Variants in BCAS3 observed in about 807,000 individuals in gnomAD.
BCAS3 encodes BCAS4/BCAS3 fusion.
Under a neutral mutation model 116.1 loss-of-function variants are expected in BCAS3, and 53 were observed. The observed-to-expected ratio is 0.46, with a 90% CI of 0.37 to 0.57. BCAS3 has a LOEUF of 0.57. BCAS3 is among the 20% of genes least tolerant of loss of function. BCAS3 has a pLI of 0.00. For missense variants in BCAS3, 917 were observed against 1,165.4 expected (o/e 0.79, Z 3.10); for synonymous variants, 391 against 408.2 (o/e 0.96, Z 0.51).
At chr17:60,727,299 TG>T in intron 5 of BCAS3, 1 of 1,161,536 alleles carries the variant, frequency 8.6e-7, no homozygotes, top group South Asian at 1.2e-5. Context: ...GTCTTCTTTG[TG>T]GTCTTAGCCT....
At chr17:61,304,834 A>T (rs937747366) in intron 22 of BCAS3, among the ~76,000 whole-genome samples, 4 of 151,516 alleles carry the variant, frequency 2.6e-5, no homozygotes, top group African/African-American at 7.3e-5. Flanking sequence ...GCTCATTGCA[A>T]CCTCCACCTC....
intron 14 of BCAS3, among the ~76,000 whole-genome samples, chr17:60,963,371 C>G (rs1310814717): frequency 6.6e-6 from 1 of 151,848 alleles, no homozygotes; most frequent in Admixed American, 6.6e-5. Context: ...CATGGAATAT[C>G]TTTCCATTTT....
In BCAS3 at chr17:60,924,440, A is replaced by G. The variant is rs1317122165; in HGVS notation, c.1027A>G (p.Ile343Val). The G allele has an allele frequency of 6.2e-7, 1 of 1,612,612 alleles. No homozygotes were observed. The highest frequency in any genetic ancestry group is 8.5e-7 in the Non-Finnish European group (1 of 1,179,666). ...GAGTGAGGATTCTGACAGTGATGGC[A>G]TTGTGGCCCACTTCCCTGCCCATGA... is the stretch of plus-strand genomic sequence containing the variant. ...LVSEDSDSDG[I>V]VAHFPAHEKP... is the part of the protein sequence containing the mutation. The change falls in exon 13 of 24, where the codon ATT (isoleucine) becomes GTT (valine). Residue 343 changes from isoleucine to valine, a missense_variant. By Grantham distance (29) the Ile-to-Val change is conservative. Coordinates refer to ENST00000407086, the MANE Select transcript of BCAS3 (RefSeq NM_017679.5).
chr17:61,023,879 G>T lies in BCAS3; in HGVS notation c.1637+7978G>T. 6.6e-6 allele frequency among the ~76,000 whole-genome samples: 1 copy of T among 151,976 alleles called. No homozygotes were observed. Among genetic ancestry groups the T allele is most frequent in the East Asian group, 1.9e-4 (1 of 5,190 alleles). Reference sequence around the variant, plus strand: ...GATATAATTATGACAAATTGAGTAGGTTTTATATGGCATATTTGTTAAGCC... The same window carrying T: ...GATATAATTATGACAAATTGAGTAGTTTTTATATGGCATATTTGTTAAGCC... On this transcript the variant is annotated intron_variant, in intron 16 of 23. Transcript: ENST00000407086. The surrounding 1 kb of genome is among the most constrained non-coding windows in gnomAD (Gnocchi z 4.8).
At chr17:61,099,146 G>T (rs2143648601) in intron 22 of BCAS3, among the ~76,000 whole-genome samples, 2 of 151,638 alleles carry the variant, frequency 1.3e-5, no homozygotes, top group Middle Eastern at 3.4e-3. Flanking sequence ...AGATACTCCT[G>T]GATGGCATTA....
At position 61,012,178 on chromosome 17, in the gene BCAS3, T is replaced by C. The variant is rs1265222476; in HGVS notation, c.1487-3573T>C. Among the ~76,000 whole-genome samples, 1 of 152,100 alleles carries C rather than the reference T, an allele frequency of 6.6e-6. No homozygotes were observed. Among genetic ancestry groups the C allele is most frequent in the East Asian group, 1.9e-4 (1 of 5,202 alleles). ...TTCATTTTTTGTTAATATGTCTTTCTGTAACATTACATTATGAACTCTTTG... is the reference window on the plus strand; with the variant it reads ...TTCATTTTTTGTTAATATGTCTTTCCGTAACATTACATTATGAACTCTTTG... On this transcript the variant is annotated intron_variant, in intron 15 of 23. Transcript: ENST00000407086. The surrounding 1 kb of genome is among the most constrained non-coding windows in gnomAD (Gnocchi z 4.5).
intron 22 of BCAS3, among the ~76,000 whole-genome samples, chr17:61,273,753 TTTC>T (rs2050515557): frequency 6.6e-6 from 1 of 151,464 alleles, no homozygotes; most frequent in Non-Finnish European, 1.5e-5. Flanking sequence ...TCTTAGAAGT[TTTC>T]TTTTTCTCTG....
intron 21 of BCAS3, among the ~76,000 whole-genome samples, chr17:61,081,624 C>G (rs1404487768): frequency 1.3e-5 from 2 of 152,198 alleles, no homozygotes; most frequent in East Asian, 3.8e-4. Flanking sequence ...TTTAAACTTT[C>G]AGCAGGTAAG....
chr17:60,836,608 A>C (rs991082211), intron 7 of BCAS3, among the ~76,000 whole-genome samples: 3 of 152,170 alleles, frequency 2.0e-5, no homozygotes, highest in African/African-American at 7.2e-5. Flanking sequence ...TTATTAGAAC[A>C]AACTGTTGTT....
intron 7 of BCAS3, among the ~76,000 whole-genome samples, chr17:60,839,050 A>G (rs2051638825): frequency 6.6e-6 from 1 of 152,206 alleles, no homozygotes; most frequent in African/African-American, 2.4e-5. Context: ...GTATAAGTAG[A>G]TAATGTATGT....
intron 14 of BCAS3, among the ~76,000 whole-genome samples, chr17:60,977,956 A>G (rs1354370425): frequency 6.9e-6 from 1 of 144,330 alleles, no homozygotes. Flanking sequence ...ATGCCTCAAT[A>G]AAAATACATG....
chr17:60,779,772 A>G (rs2144480509), intron 6 of BCAS3, among the ~76,000 whole-genome samples: 1 of 152,288 alleles, frequency 6.6e-6, no homozygotes, highest in Admixed American at 6.5e-5. Context: ...CCTGTTCCCA[A>G]GCATGTCAGA....
intron 14 of BCAS3, among the ~76,000 whole-genome samples, chr17:60,989,239 A>C (rs1418072635): frequency 6.6e-6 from 1 of 152,184 alleles, no homozygotes; most frequent in Non-Finnish European, 1.5e-5. Context: ...ATGCTTAAAA[A>C]TGCTTATAAC....
At chr17:61,310,690 G>A (rs1286393500) in intron 22 of BCAS3, among the ~76,000 whole-genome samples, 9 of 152,170 alleles carry the variant, frequency 5.9e-5, no homozygotes, top group Non-Finnish European at 1.2e-4. Flanking sequence ...AAAATTAGAG[G>A]TATGAGAGAC....
At chr17:60,942,393 C>G (rs1468466992) in intron 13 of BCAS3, among the ~76,000 whole-genome samples, 2 of 152,162 alleles carry the variant, frequency 1.3e-5, no homozygotes, top group African/African-American at 4.8e-5. Flanking sequence ...TGCCACTGCA[C>G]TCCAGCCTGG....
chr17:61,152,995 A>C (rs2077624582), intron 22 of BCAS3, among the ~76,000 whole-genome samples: 1 of 152,160 alleles, frequency 6.6e-6, no homozygotes, highest in Non-Finnish European at 1.5e-5. Flanking sequence ...ACTAACTTAC[A>C]GTTTTTCTTG....
rs377072629 is a variant in BCAS3 at position 61,388,772 on chromosome 17, G to A, written c.2594-3205G>A. The A allele has an allele frequency of 1.9e-5, 27 of 1,446,376 alleles. No individual in the cohort carries two copies. The highest frequency in any genetic ancestry group is 1.7e-4 in the East Asian group (7 of 40,382). The allele number at this position is 1,446,376 out of a possible 1,614,324, so 89.6% of individuals were successfully genotyped here. The stretch of plus-strand genomic sequence containing the variant: ...GCTGGGCGGCCGGGATGACTTGGAG[G>A]GGGGAATCTGAGCAGCCCTCCTCCC... On this transcript the variant is annotated intron_variant, in intron 23 of 23. Coordinates refer to ENST00000407086, the MANE Select transcript of BCAS3 (RefSeq NM_017679.5). This position sits in a 1 kb window ranked among gnomAD's most constrained non-coding sequence, Gnocchi z 6.5.
chr17:60,787,741 C>G (rs547001538), intron 6 of BCAS3, among the ~76,000 whole-genome samples: 1 of 152,124 alleles, frequency 6.6e-6, no homozygotes, highest in South Asian at 2.1e-4. Context: ...CTATGCAGAT[C>G]ACTAGGAGAA....
chr17:60,799,532 T>TTTTG (rs2047535036), intron 6 of BCAS3, among the ~76,000 whole-genome samples: 1 of 131,908 alleles, frequency 7.6e-6, no homozygotes, highest in Non-Finnish European at 1.6e-5. Context: ...TTGTTTTTTT[T>TTTTG]TTTTTTTTTT....
Sources: allele counts gnomAD v4.1 joint callset (sites outside exome capture counted in the v4.1 genomes callset), GRCh38; gene constraint gnomAD v4.1.1; non-coding constraint Gnocchi (gnomAD v3.1); transcripts MANE v1.5; gene names NCBI Gene and HGNC (gene_info 2026-07-23, HGNC 2026-07-21).